CUBN: variants seen among roughly 807,000 people sequenced by gnomAD.
The protein encoded by CUBN is 460 kDa receptor.
Under a neutral mutation model 405.3 loss-of-function variants are expected in CUBN, and 282 were observed. The observed-to-expected ratio is 0.70, with a 90% CI of 0.63 to 0.77. The LOEUF (loss-of-function observed/expected upper bound fraction) is 0.77, where lower values mean the gene tolerates loss of function less well. Ranked by LOEUF, CUBN falls within the 30% of genes least tolerant of loss-of-function variation. CUBN has a pLI of 0.00. For synonymous variants in CUBN, 1,684 were observed against 1,617.0 expected (o/e 1.04, Z -0.99); for missense variants, 4,514 against 4,475.2 (o/e 1.01, Z -0.25).
In CUBN at chr10:16,913,911, C is replaced by A; in HGVS notation, c.7433G>T (p.Cys2478Phe). 1 of 1,614,064 alleles carries A rather than the reference C, an allele frequency of 6.2e-7. No individual in the cohort carries two copies. The highest frequency in any genetic ancestry group is 8.5e-7 in the Non-Finnish European group (1 of 1,179,986). ...CTCCGGGGCAGTGATTCTCCACTCG[C>A]AGATCCGGCCATGAGGATTTGGGTT... ...YPNPNPHGRI[C>F]EWRITAPEGR... The change falls in exon 48 of 67, where the codon TGC becomes TTC. Residue 2478 changes from cysteine (C) to phenylalanine (F), a missense_variant. This residue lies in a region of CUBN where 1,613 missense variants were observed against 1,542.8 expected (regional missense o/e 1.05). Transcript: ENST00000377833.
intron 11 of CUBN, among the ~76,000 whole-genome samples, chr10:17,105,005 T>C (rs1323981658): frequency 6.6e-6 from 1 of 151,664 alleles, no homozygotes; most frequent in Non-Finnish European, 1.5e-5. Context: ...TGTTTCACCA[T>C]GTCGGTCAGG....
intron 21 of CUBN, 128 bp from the exon 22 acceptor site, chr10:17,065,766 A>G: frequency 9.0e-7 from 1 of 1,107,668 alleles, no homozygotes; most frequent in Non-Finnish European, 1.3e-6. Flanking sequence ...ACCTTAAAAC[A>G]CAAATATATT....
chr10:16,925,719 T>C lies in CUBN; in HGVS notation c.6327A>G (p.Pro2109=), dbSNP rs1842168472. ...DRGIITSPKY[P]ETYPSNLNCS... ...AGTTGAGGTTGGATGGGTAAGTCTC[T>C]GGATACTTGGGGGACGTGATGATCC... Residue 2109 remains proline, a synonymous_variant, in exon 42 of 67, where the codon CCA becomes CCG. Transcript: ENST00000377833. 1.2e-6 allele frequency: 2 copies of C among 1,614,024 alleles called. No homozygotes were observed. The highest frequency in any genetic ancestry group is 4.5e-5 in the East Asian group (2 of 44,880).
In CUBN at chr10:17,084,548, A is replaced by C. The variant is rs567542774; in HGVS notation, c.2111-87T>G. Reference sequence around the variant, plus strand: ...GGATCCAATTTCTAAAAATTTACCCACACACACACACACACAAGCACATAT... The same window carrying C: ...GGATCCAATTTCTAAAAATTTACCCCCACACACACACACACAAGCACATAT... On this transcript the variant is annotated intron_variant, in intron 16 of 66. Coordinates refer to ENST00000377833, the MANE Select transcript of CUBN (RefSeq NM_001081.4). The C allele has an allele frequency of 1.7e-4, 130 of 758,282 alleles. 2 individuals are homozygous for C. The highest frequency in any genetic ancestry group is 1.2e-3 in the South Asian group (72 of 62,452). 47.0% of individuals were successfully genotyped at this position (758,282 alleles called of 1,614,324 possible). A position where few individuals can be genotyped will look rare whatever the true frequency, so the allele number is the denominator to read the frequency against.
chr10:16,942,410 A>G (rs1588503586), intron 36 of CUBN, among the ~76,000 whole-genome samples: 1 of 152,304 alleles, frequency 6.6e-6, no homozygotes, highest in Middle Eastern at 3.4e-3. Context: ...CCCAATTAAA[A>G]TGGAAAACAA....
At chr10:16,843,574 T>C (rs1299680367) in intron 60 of CUBN, among the ~76,000 whole-genome samples, 1 of 152,158 alleles carries the variant, frequency 6.6e-6, no homozygotes, top group Non-Finnish European at 1.5e-5. Context: ...TTTGCCAAGT[T>C]TTAGGTCATG....
chr10:17,074,614 A>G (rs1835812668), intron 17 of CUBN, among the ~76,000 whole-genome samples: 1 of 152,198 alleles, frequency 6.6e-6, no homozygotes, highest in African/African-American at 2.4e-5. Flanking sequence ...GAAATCTGTC[A>G]AGAGTTAGTC....
chr10:17,012,700 A>C (rs1199159334), intron 28 of CUBN, among the ~76,000 whole-genome samples: 1 of 152,228 alleles, frequency 6.6e-6, no homozygotes, highest in Non-Finnish European at 1.5e-5. Context: ...TTAACTTAGA[A>C]TTGGTATAGA....
At chr10:16,947,130 T>C (rs1842807453) in intron 36 of CUBN, 105 bp downstream of exon 36, 22 of 1,227,054 alleles carry the variant, frequency 1.8e-5, no homozygotes, top group Non-Finnish European at 2.3e-5. Flanking sequence ...GAAAAATACT[T>C]CCTAAATTTC....
intron 31 of CUBN, among the ~76,000 whole-genome samples, chr10:16,966,830 TG>T: frequency 6.6e-6 from 1 of 152,274 alleles, no homozygotes; most frequent in African/African-American, 2.4e-5. Flanking sequence ...GGTGCAAAAA[TG>T]TGGTGAAGAA....
intron 58 of CUBN, among the ~76,000 whole-genome samples, chr10:16,870,180 G>A (rs1467631842): frequency 1.3e-5 from 2 of 152,132 alleles, no homozygotes. Context: ...AAGTTGAACT[G>A]ATATTTACTA....
chr10:16,849,443 G>C (rs182339807), intron 60 of CUBN, among the ~76,000 whole-genome samples: 1 of 152,002 alleles, frequency 6.6e-6, no homozygotes, highest in African/African-American at 2.4e-5. Context: ...CTCTCTATTC[G>C]TGGAGCTGTC....
chr10:16,833,944 G>A (rs1839089315), intron 64 of CUBN, among the ~76,000 whole-genome samples: 1 of 152,124 alleles, frequency 6.6e-6, no homozygotes, highest in Non-Finnish European at 1.5e-5. Context: ...ACACTTTTTG[G>A]AAACTTTACT....
chr10:17,085,685 C>T lies in CUBN; in HGVS notation c.2022G>A (p.Gln674=). 1 of 1,614,040 alleles carries T rather than the reference C, an allele frequency of 6.2e-7. No individual in the cohort carries two copies. Among genetic ancestry groups the T allele is most frequent in the Non-Finnish European group, 8.5e-7 (1 of 1,179,956 alleles). Reference sequence around the variant, plus strand: ...GAATTCTGGCAAAGGGGCCAGTAGTCTGGAGCGGTGGGACAGAGAAAGTGG... The same window carrying T: ...GAATTCTGGCAAAGGGGCCAGTAGTTTGGAGCGGTGGGACAGAGAAAGTGG... ...FCTTFSVPPL[Q]TTGPFARIHF... The change falls in exon 16 of 67, where the codon CAG becomes CAA. Residue 674 remains glutamine, a synonymous_variant. Coordinates refer to ENST00000377833, the MANE Select transcript of CUBN (RefSeq NM_001081.4).
chr10:16,988,631 T>C (rs1833495029), intron 29 of CUBN, among the ~76,000 whole-genome samples: 1 of 152,200 alleles, frequency 6.6e-6, no homozygotes, highest in Non-Finnish European at 1.5e-5. Context: ...TAATTCCTAG[T>C]GACTCTCACT....
Position 17,068,538 on chromosome 10 carries a change from T to C in CUBN, c.2791+67A>G. 6 of 1,336,498 alleles carry C rather than the reference T, an allele frequency of 4.5e-6. 1 individual carries two copies. The South Asian group carries it at 7.5e-5, about 17-fold the overall frequency. The allele number at this position is 1,336,498 out of a possible 1,614,324, so 82.8% of individuals were successfully genotyped here. ...GTACAGATGATTTTCATATAATTTA[T>C]TTCTATCATTCACTTATTCTGATAC... On this transcript the variant is annotated intron_variant, in intron 20 of 66. Transcript: ENST00000377833.
Position 16,955,963 on chromosome 10 carries a change from T to C in CUBN, c.4696-1415A>G, listed in dbSNP as rs1017218779. On this transcript the variant is annotated intron_variant, in intron 31 of 66. Transcript: ENST00000377833. ...TGTGACTGAAAGTATGAAGGTAAAA[T>C]ATGGCCATTTCATTAAAAACAAATT... 1.1e-4 allele frequency among the ~76,000 whole-genome samples: 17 copies of C among 152,246 alleles called. 5 individuals carry two copies. The highest frequency in any genetic ancestry group is 2.0e-4 in the Admixed American group (3 of 15,300).
In CUBN at chr10:16,901,510, C is replaced by T. The variant is rs114528750; in HGVS notation, c.8063-51G>A. On this transcript the variant is annotated intron_variant, in intron 51 of 66. Transcript: ENST00000377833. ...AATAAAACAGAAGTAAAAAAAAGAA[C>T]CGATAATGCCAAAGTAAGTAGTAAT... The T allele has an allele frequency of 2.1e-3, 3,422 of 1,608,224 alleles. 53 individuals carry two copies. In the African/African-American group the frequency reaches 0.036, roughly 17 times the overall value.
intron 19 of CUBN, among the ~76,000 whole-genome samples, chr10:17,070,891 G>A (rs1017791344): frequency 1.3e-5 from 2 of 152,160 alleles, no homozygotes; most frequent in African/African-American, 4.8e-5. Context: ...AGAATTTCCA[G>A]TGTAATGCTG....
Sources: gnomAD v4.1 joint callset for allele counts (sites outside exome capture counted in the v4.1 genomes callset) on GRCh38, gnomAD v4.1.1 for gene constraint, gnomAD v4.1.1 regional missense constraint, MANE v1.5 for transcripts, NCBI Gene and HGNC (gene_info 2026-07-23, HGNC 2026-07-21) for gene names.